C16orf96: variants seen among roughly 807,000 people sequenced by gnomAD.
C16orf96 encodes chromosome 16 open reading frame 96, also known as uncharacterized protein C16orf96.
A neutral mutation model predicts 103.6 loss-of-function variants in C16orf96; 108 were observed. The observed-to-expected ratio is 1.04, with a 90% CI of 0.89 to 1.22. The LOEUF (loss-of-function observed/expected upper bound fraction) is 1.22, where lower values mean the gene tolerates loss of function less well. Among genes scored for constraint, C16orf96 ranks in the 50% most tolerant of loss-of-function variants. The pLI, the probability that C16orf96 is intolerant of heterozygous loss-of-function variation, is 0.00. For missense variants in C16orf96, 1,586 were observed against 1,464.2 expected, an observed-to-expected ratio of 1.08 and a Z score of -1.36; for synonymous variants, 566 against 593.5, an observed-to-expected ratio of 0.95 and a Z score of 0.67.
intron 1 of C16orf96, among the ~76,000 whole-genome samples, chr16:4,557,610 A>T (rs1045889624): frequency 1.3e-5 from 2 of 152,154 alleles, no homozygotes; most frequent in African/African-American, 4.8e-5. Flanking sequence ...AACCTCACTG[A>T]TGTACTAAAT....
chr16:4,596,499 A>AC (rs1254419634), intron 14 of C16orf96, among the ~76,000 whole-genome samples: 2 of 151,688 alleles, frequency 1.3e-5, no homozygotes, highest in East Asian at 3.9e-4. Flanking sequence ...AAAAAAAAAA[A>AC]AAACAGCTGA....
chr16:4,582,124 A>G (rs2059595435), intron 7 of C16orf96, among the ~76,000 whole-genome samples: 1 of 152,060 alleles, frequency 6.6e-6, no homozygotes, highest in African/African-American at 2.4e-5. Flanking sequence ...TCTACTAAAA[A>G]TACAAAAATT....
chr16:4,586,967 A>G, intron 7 of C16orf96, 72 bp from the exon 8 acceptor site: 2 of 1,338,566 alleles, frequency 1.5e-6, no homozygotes, highest in South Asian at 1.3e-5. Context: ...TGGTAATGGT[A>G]GAGGTGGGAG....
chr16:4,547,156 A>G, the C16orf96 span, among the ~76,000 whole-genome samples: 1 of 152,188 alleles, frequency 6.6e-6, no homozygotes, highest in Non-Finnish European at 1.5e-5. Context: ...CTCTTCTGAG[A>G]CAGCGTCTCG....
chr16:4,540,946 G>A, the C16orf96 span, among the ~76,000 whole-genome samples: 2 of 145,412 alleles, frequency 1.4e-5, no homozygotes, highest in Non-Finnish European at 3.0e-5. Flanking sequence ...ATGGAGTCTC[G>A]CTCTGTCACC....
rs1429251344 is a variant in C16orf96 at position 4,599,208 on chromosome 16, C to A, written c.3128-76C>A. 5 of 1,307,290 alleles carry A rather than the reference C, an allele frequency of 3.8e-6. No individual in the cohort carries two copies. The African/African-American group carries it at 7.5e-5, about 20-fold the overall frequency. The allele number at this position is 1,307,290 out of a possible 1,614,324, so 81.0% of individuals were successfully genotyped here. A position where few individuals can be genotyped will look rare whatever the true frequency, so the allele number is the denominator to read the frequency against. On this transcript the variant is annotated intron_variant, in intron 14 of 15. Transcript: ENST00000444310. ...GGTTGGTCCCACCAGAGGGAGACTGCCCAGTGCTGGGATCGGCCTGACACA... is the reference window on the plus strand; with the variant it reads ...GGTTGGTCCCACCAGAGGGAGACTGACCAGTGCTGGGATCGGCCTGACACA...
At chr16:4,542,557 G>T in the C16orf96 span, among the ~76,000 whole-genome samples, 2 of 152,128 alleles carry the variant, frequency 1.3e-5, no homozygotes, top group African/African-American at 4.8e-5. Context: ...AGCACTTTGG[G>T]AGGCCAAGGT....
intron 2 of C16orf96, 78 bp downstream of exon 2, chr16:4,571,743 G>C (rs1359253186): frequency 7.6e-7 from 1 of 1,310,222 alleles, no homozygotes; most frequent in East Asian, 2.5e-5. Context: ...GGAAAATCTA[G>C]GAAGCTTACT....
chr16:4,547,689 C>CTTCTTTCT, the C16orf96 span, among the ~76,000 whole-genome samples: 450 of 22,540 alleles, frequency 0.02, 16 homozygotes, highest in South Asian at 0.024. Context: ...TCCTTCCTTC[C>CTTCTTTCT]TTCTTTCTTT....
intron 5 of C16orf96, among the ~76,000 whole-genome samples, chr16:4,577,439 C>A (rs1489086875): frequency 6.7e-6 from 1 of 150,364 alleles, no homozygotes; most frequent in East Asian, 2.0e-4. Flanking sequence ...CCAAGGCAGG[C>A]AGATACGGAG....
the C16orf96 span, among the ~76,000 whole-genome samples, chr16:4,543,069 G>T: frequency 1.3e-5 from 2 of 152,152 alleles, no homozygotes; most frequent in Non-Finnish European, 2.9e-5. Flanking sequence ...ACACAGTCCA[G>T]CACGGGAGAC....
At chr16:4,539,063 AAT>A in the C16orf96 span, among the ~76,000 whole-genome samples, 1 of 152,200 alleles carries the variant, frequency 6.6e-6, no homozygotes, top group African/African-American at 2.4e-5. Context: ...TTATGCGACT[AAT>A]ATTTATTGAG....
chr16:4,552,854 A>G (rs1189928983), upstream of C16orf96, among the ~76,000 whole-genome samples: 1 of 152,186 alleles, frequency 6.6e-6, no homozygotes, highest in Non-Finnish European at 1.5e-5. Context: ...TTTAAATGCT[A>G]AATTATTCTA....
chr16:4,539,744 A>G, the C16orf96 span, among the ~76,000 whole-genome samples: 2 of 152,098 alleles, frequency 1.3e-5, no homozygotes, highest in Non-Finnish European at 2.9e-5. Flanking sequence ...AGGCCACAAG[A>G]TTCTAAACCT....
At chr16:4,563,257 T>C in intron 1 of C16orf96, 1 of 431,652 alleles carries the variant, frequency 2.3e-6, no homozygotes, top group Admixed American at 3.5e-5. Context: ...GACTCGTTTG[T>C]TTTTATTTTT....
chr16:4,578,924 T>C lies in C16orf96; in HGVS notation c.2156-16T>C. The C allele has an allele frequency of 6.5e-7, 1 of 1,548,868 alleles. No homozygotes were observed. The highest frequency in any genetic ancestry group is 8.7e-7 in the Non-Finnish European group (1 of 1,144,618). Reference sequence around the variant, plus strand: ...CCATCCGAGCCCTCAGCAGCCACCCTGTCCTCTGCTTTCAGCCAATATGGG... The same window carrying C: ...CCATCCGAGCCCTCAGCAGCCACCCCGTCCTCTGCTTTCAGCCAATATGGG... On this transcript the variant is annotated splice_polypyrimidine_tract_variant and intron_variant, in intron 5 of 15. Coordinates refer to ENST00000444310, the MANE Select transcript of C16orf96 (RefSeq NM_001145011.2).
intron 7 of C16orf96, among the ~76,000 whole-genome samples, chr16:4,583,749 C>T (rs569965049): frequency 2.0e-5 from 3 of 151,392 alleles, no homozygotes; most frequent in Non-Finnish European, 1.5e-5. Flanking sequence ...ATGGTGAAAC[C>T]GTGTCTCTAC....
At chr16:4,563,741 G>A (rs2059357438) in intron 1 of C16orf96, among the ~76,000 whole-genome samples, 1 of 151,194 alleles carries the variant, frequency 6.6e-6, no homozygotes, top group Admixed American at 6.6e-5. Flanking sequence ...GCTAATTTTC[G>A]TATTTTTAGT....
rs1159681618 is a variant in C16orf96, at chr16:4,556,840, C to T, written c.351C>T (p.Pro117=). The T allele has an allele frequency of 8.4e-6, 13 of 1,551,544 alleles. No homozygotes were observed. The highest frequency in any genetic ancestry group is 4.9e-5 in the East Asian group (2 of 40,916). The change falls in exon 1 of 16, where the codon CCC becomes CCT. Residue 117 remains proline, a synonymous_variant. Transcript: ENST00000444310. Reference sequence around the variant, plus strand: ...AAGCCAGCCAGGGCACTGCCCGGCCCGTCCAGGACCTGTGGCATCTGATCA... The same window carrying T: ...AAGCCAGCCAGGGCACTGCCCGGCCTGTCCAGGACCTGTGGCATCTGATCA... The part of the protein sequence containing the change: ...LLEASQGTAR[P]VQDLWHLIKL...
Sources: allele counts gnomAD v4.1 joint callset (sites outside exome capture counted in the v4.1 genomes callset), GRCh38; gene constraint gnomAD v4.1.1; transcripts MANE v1.5; gene names NCBI Gene and HGNC (gene_info 2026-07-23, HGNC 2026-07-21).